The following HSPA12A variants were observed in gnomAD, a reference collection of about 807,000 sequenced individuals.
HSPA12A encodes heat shock 70 kDa protein 12A.
A neutral mutation model predicts 69.2 loss-of-function variants in HSPA12A; 28 were observed. That is an observed-to-expected ratio of 0.40 (90% CI 0.30 to 0.55). HSPA12A has a LOEUF of 0.55. Among genes scored for constraint, HSPA12A ranks in the 20% least tolerant of loss-of-function variants. The pLI is 0.38. For missense variants in HSPA12A, 686 were observed against 900.7 expected (o/e 0.76, Z 3.05); for synonymous variants, 345 against 370.5 (o/e 0.93, Z 0.79).
intron 1 of HSPA12A, among the ~76,000 whole-genome samples, chr10:116,839,323 C>T (rs908085944): frequency 6.6e-6 from 1 of 152,168 alleles, no homozygotes; most frequent in Non-Finnish European, 1.5e-5. Context: ...ACAGACTTCG[C>T]TCCCCTCCCC....
intron 1 of HSPA12A, among the ~76,000 whole-genome samples, chr10:116,845,736 T>C (rs1385202677): frequency 3.3e-5 from 5 of 152,116 alleles, no homozygotes; most frequent in African/African-American, 1.2e-4. Context: ...CAATATGAAA[T>C]GGAAATGCAA....
chr10:116,705,017 T>G lies in HSPA12A; in HGVS notation c.254+134A>C, dbSNP rs868962114. The G allele has an allele frequency of 8.7e-6, 9 of 1,031,766 alleles. No individual in the cohort carries two copies. In the Middle Eastern group the frequency reaches 1.8e-3, roughly 202 times the overall value. The allele number at this position is 1,031,766 out of a possible 1,614,324, so 63.9% of individuals were successfully genotyped here. A position where few individuals can be genotyped will look rare whatever the true frequency, so the allele number is the denominator to read the frequency against. ...CAGAAATGGCTTGTCCCCAGTGGCA[T>G]GGTGAGCTTGAGCCAAGCTGGAACA... On this transcript the variant is annotated intron_variant, in intron 3 of 11. Transcript: ENST00000369209.
intron 2 of HSPA12A, among the ~76,000 whole-genome samples, chr10:116,783,280 C>T (rs1002251414): frequency 2.6e-5 from 4 of 152,110 alleles, no homozygotes; most frequent in African/African-American, 9.7e-5. Flanking sequence ...GGAGACATGT[C>T]TGGAAGAATT....
At chr10:116,676,960 A>G (rs1554877825) in intron 10 of HSPA12A, among the ~76,000 whole-genome samples, 1 of 152,170 alleles carries the variant, frequency 6.6e-6, no homozygotes, top group Non-Finnish European at 1.5e-5. Flanking sequence ...AGTAAGCCTA[A>G]TTCTACTAGG....
At chr10:116,705,306 G>A (rs189360482) in intron 2 of HSPA12A, 28 bp from the exon 3 acceptor site, 62 of 1,613,262 alleles carry the variant, frequency 3.8e-5, no homozygotes, top group Non-Finnish European at 5.0e-5. Context: ...GGCATGGGGG[G>A]TGTGGAGGGG....
intron 1 of HSPA12A, among the ~76,000 whole-genome samples, chr10:116,847,551 G>A (rs1327458639): frequency 1.3e-5 from 2 of 152,068 alleles, no homozygotes; most frequent in Non-Finnish European, 2.9e-5. Context: ...CATTATTCCT[G>A]AAAAGAAACC....
intron 2 of HSPA12A, among the ~76,000 whole-genome samples, chr10:116,816,128 G>A (rs1452115094): frequency 1.3e-5 from 2 of 152,224 alleles, no homozygotes; most frequent in African/African-American, 4.8e-5. Context: ...GCAGAGAGGA[G>A]TGAGTGGCAT....
In HSPA12A at chr10:116,673,608, G is replaced by C. The variant is rs565201277; in HGVS notation, c.*1173C>G. On this transcript the variant is annotated 3_prime_UTR_variant, in exon 12 of 12. Coordinates refer to ENST00000369209, the MANE Select transcript of HSPA12A (RefSeq NM_025015.3). ...GGGCTCAGATCCAGGAACCTGTTCTGAACACGCACCCAGGCAATTCTGATG... is the reference window on the plus strand; with the variant it reads ...GGGCTCAGATCCAGGAACCTGTTCTCAACACGCACCCAGGCAATTCTGATG... 6.6e-6 allele frequency: 1 copy of C among 152,250 alleles called. No individual in the cohort carries two copies. The highest frequency in any genetic ancestry group is 1.9e-4 in the East Asian group (1 of 5,166). The allele number at this position is 152,250 out of a possible 1,614,324, so 9.4% of individuals were successfully genotyped here.
At chr10:116,701,303 G>A (rs1850071209) in intron 3 of HSPA12A, among the ~76,000 whole-genome samples, 174 bp from the exon 4 acceptor site, 1 of 152,242 alleles carries the variant, frequency 6.6e-6, no homozygotes, top group South Asian at 2.1e-4. Flanking sequence ...AAAAGGAGAT[G>A]AACTGGGCAA....
intron 1 of HSPA12A, among the ~76,000 whole-genome samples, chr10:116,713,911 T>C (rs1001503711): frequency 6.6e-6 from 1 of 152,128 alleles, no homozygotes. Context: ...TTCTCTCCCA[T>C]GGACTCTGCT....
At chr10:116,835,597 T>TA (rs1845695773) in intron 1 of HSPA12A, among the ~76,000 whole-genome samples, 1 of 152,216 alleles carries the variant, frequency 6.6e-6, no homozygotes, top group Admixed American at 6.5e-5. Flanking sequence ...AACCCACAGT[T>TA]ACATTAGCTA....
intron 2 of HSPA12A, among the ~76,000 whole-genome samples, chr10:116,764,237 A>C (rs1554889554): frequency 1.3e-5 from 2 of 152,242 alleles, no homozygotes; most frequent in Non-Finnish European, 1.5e-5. Context: ...CAGCAACCCC[A>C]TATCTAGGAA....
chr10:116,811,021 A>C (rs1224036486), intron 2 of HSPA12A, among the ~76,000 whole-genome samples: 1 of 152,238 alleles, frequency 6.6e-6, no homozygotes, highest in Non-Finnish European at 1.5e-5. Context: ...CACAAGGGAA[A>C]CAAACCATAG....
intron 4 of HSPA12A, among the ~76,000 whole-genome samples, chr10:116,700,465 T>C (rs1850049086): frequency 6.6e-6 from 1 of 152,040 alleles, no homozygotes. Context: ...CCTCCCCACA[T>C]AAAGAGCTGG....
At position 116,675,847 on chromosome 10, in the gene HSPA12A, G is replaced by A. The variant is rs1849222628; in HGVS notation, c.1391-429C>T. 6.6e-6 allele frequency among the ~76,000 whole-genome samples: 1 copy of A among 152,170 alleles called. No individual in the cohort carries two copies. Among genetic ancestry groups the A allele is most frequent in the African/African-American group, 2.4e-5 (1 of 41,440 alleles). ...GTAGGCGGGGGACAGGATACTGAAA[G>A]AGGTCCTGGTGAGTTTGCTATGTGT... On this transcript the variant is annotated intron_variant, in intron 11 of 11. Transcript: ENST00000369209. The surrounding 1 kb of genome is among the most constrained non-coding windows in gnomAD (Gnocchi z 5.2).
chr10:116,699,405 C>T (rs921215176), intron 4 of HSPA12A, among the ~76,000 whole-genome samples: 1 of 152,008 alleles, frequency 6.6e-6, no homozygotes, highest in Non-Finnish European at 1.5e-5. Context: ...GAGAAAAGTC[C>T]CTGTGGGGTA....
At chr10:116,847,135 A>G (rs951497085) in intron 1 of HSPA12A, among the ~76,000 whole-genome samples, 2 of 152,174 alleles carry the variant, frequency 1.3e-5, no homozygotes, top group African/African-American at 2.4e-5. Flanking sequence ...CCAATGCATC[A>G]TATCGCCTCC....
At chr10:116,695,410 G>A (rs1425782963) in intron 5 of HSPA12A, among the ~76,000 whole-genome samples, 2 of 152,118 alleles carry the variant, frequency 1.3e-5, no homozygotes, top group Non-Finnish European at 2.9e-5. Context: ...GCGGCCAGGT[G>A]TGGTGGCTCA....
rs782659836 is a variant in HSPA12A, at chr10:116,675,323, C to A, written c.1486G>T (p.Ala496Ser). ...ATCCGGCACTGGTCCCCAAAAGCAG[C>A]CTGCACCGCCTGCTGCAGCAGGGGC... Reference protein sequence around the residue: ...EAPLLQQAVQAAFGDQCRIII... With the variant: ...EAPLLQQAVQSAFGDQCRIII... The change falls in exon 12 of 12, where the codon GCT becomes TCT. Residue 496 changes from alanine (A) to serine (S), a missense_variant. Physicochemically the swap from Ala to Ser is moderately conservative, Grantham distance 99. Transcript: ENST00000369209. This position sits in a 1 kb window ranked among gnomAD's most constrained non-coding sequence, Gnocchi z 5.2. 1 of 1,612,970 alleles carries A rather than the reference C, an allele frequency of 6.2e-7. No individual in the cohort carries two copies. The highest frequency in any genetic ancestry group is 8.5e-7 in the Non-Finnish European group (1 of 1,179,952).
Sources: gnomAD v4.1 joint callset for allele counts (sites outside exome capture counted in the v4.1 genomes callset) on GRCh38, gnomAD v4.1.1 for gene constraint, Gnocchi (gnomAD v3.1) non-coding constraint, MANE v1.5 for transcripts, NCBI Gene and HGNC (gene_info 2026-07-23, HGNC 2026-07-21) for gene names.